COL4A4: variants seen among roughly 807,000 people sequenced by gnomAD.
COL4A4 encodes collagen alpha-4(IV) chain.
Under a neutral mutation model 192.9 loss-of-function variants are expected in COL4A4, and 105 were observed. The ratio of observed to expected loss-of-function variants is 0.54; its 90% CI spans 0.46 to 0.64. The LOEUF (loss-of-function observed/expected upper bound fraction) is 0.64. COL4A4 is among the 30% of genes least tolerant of loss of function. COL4A4 has a pLI of 0.00. For synonymous variants in COL4A4, 762 were observed against 769.9 expected, an observed-to-expected ratio of 0.99 and a Z score of 0.17; for missense variants, 1,967 against 2,169.3, an observed-to-expected ratio of 0.91 and a Z score of 1.85.
chr2:227,040,592 G>A (rs1970581002), intron 37 of COL4A4, among the ~76,000 whole-genome samples: 1 of 147,068 alleles, frequency 6.8e-6, no homozygotes, highest in Non-Finnish European at 1.5e-5. Context: ...TTGAGATGGA[G>A]TCTTACTCTG....
chr2:227,036,365 A>G (rs1481571416), intron 37 of COL4A4, among the ~76,000 whole-genome samples: 1 of 152,180 alleles, frequency 6.6e-6, no homozygotes, highest in African/African-American at 2.4e-5. Flanking sequence ...ATATGGGCTC[A>G]TACTTTTAAC....
At chr2:226,967,973 C>A in the COL4A4 span, among the ~76,000 whole-genome samples, 4 of 152,178 alleles carry the variant, frequency 2.6e-5, no homozygotes, top group African/African-American at 9.6e-5. Context: ...CCATGACTCT[C>A]TTTTGCTAGT....
chr2:227,075,379 T>G (rs756501566), intron 25 of COL4A4, among the ~76,000 whole-genome samples: 2 of 152,080 alleles, frequency 1.3e-5, no homozygotes, highest in Non-Finnish European at 2.9e-5. Context: ...ACAGAACCAC[T>G]GACAAAAACC....
chr2:227,000,809 G>A (rs890434876), downstream of COL4A4, among the ~76,000 whole-genome samples: 1 of 151,960 alleles, frequency 6.6e-6, no homozygotes, highest in Non-Finnish European at 1.5e-5. Flanking sequence ...TGGAATCATG[G>A]GGGAACGTCT....
In COL4A4 at chr2:227,022,410, C is replaced by A. The variant is rs574018806; in HGVS notation, c.4091-237G>T. 5.5e-6 allele frequency: 4 copies of A among 730,806 alleles called. No individual in the cohort carries two copies. In the African/African-American group the frequency reaches 6.9e-5, roughly 13 times the overall value. The allele number at this position is 730,806 out of a possible 1,614,324, so 45.3% of individuals were successfully genotyped here. On this transcript the variant is annotated intron_variant, in intron 43 of 47. Coordinates refer to ENST00000396625, the MANE Select transcript of COL4A4 (RefSeq NM_000092.5). Reference sequence around the variant, plus strand: ...AAAAATTCCAGAATGTCGGGCTGACCGAATGAGTGAATGGAGTATCAGAGG... The same window carrying A: ...AAAAATTCCAGAATGTCGGGCTGACAGAATGAGTGAATGGAGTATCAGAGG...
chr2:227,014,169 C>G (rs1011883608), intron 44 of COL4A4, among the ~76,000 whole-genome samples: 6 of 152,174 alleles, frequency 3.9e-5, no homozygotes, highest in African/African-American at 1.4e-4. Context: ...CCCACCTGAG[C>G]AACATCAATA....
Position 227,088,744 on chromosome 2 carries a change from T to G in COL4A4, c.1532A>C (p.Gln511Pro), listed in dbSNP as rs1243647983. 6.2e-6 allele frequency: 10 copies of G among 1,614,056 alleles called. No homozygotes were observed. In the South Asian group the frequency reaches 1.1e-4, roughly 18 times the overall value. ...PPGPPGLPGRQGSKGDLGLPG... is the reference protein window; with the variant it reads ...PPGPPGLPGRPGSKGDLGLPG... ...GAGCCCCAAGTCTCCCTTACTCCCC[T>G]GCCTCCCAGGAAGTCCTGGAGGGCC... Residue 511 changes from glutamine (Q) to proline (P), a missense_variant, in exon 22 of 48, where the codon CAG becomes CCG. Coordinates refer to ENST00000396625, the MANE Select transcript of COL4A4 (RefSeq NM_000092.5).
chr2:227,058,756 G>C (rs976647717), intron 28 of COL4A4, among the ~76,000 whole-genome samples: 5 of 152,160 alleles, frequency 3.3e-5, no homozygotes, highest in Non-Finnish European at 7.4e-5. Context: ...GGGTCCTGAA[G>C]ACAATAATTT....
intron 2 of COL4A4, chr2:227,147,155 G>A: frequency 1.7e-6 from 1 of 592,518 alleles, no homozygotes; most frequent in Non-Finnish European, 3.2e-6. Flanking sequence ...TTCAAACCTA[G>A]TGAGTAAGCG....
At chr2:227,137,773 T>G (rs2062915800) in intron 4 of COL4A4, among the ~76,000 whole-genome samples, 1 of 152,184 alleles carries the variant, frequency 6.6e-6, no homozygotes, top group Non-Finnish European at 1.5e-5. Context: ...ATCTCTTTCT[T>G]GCCACAGGGC....
chr2:226,999,298 C>T (rs138243371), downstream of COL4A4: 61 of 151,140 alleles, frequency 4.0e-4, no homozygotes, highest in African/African-American at 1.5e-3. Context: ...TTTTTTTTTC[C>T]CTTGAATCAA....
intron 8 of COL4A4, 31 bp from the exon 9 acceptor site, chr2:227,111,744 C>T: frequency 6.2e-7 from 1 of 1,607,474 alleles, no homozygotes; most frequent in Non-Finnish European, 8.5e-7. Context: ...TGCTTTAAGT[C>T]CACACAATGT....
At chr2:227,139,154 C>T (rs954649785) in intron 4 of COL4A4, among the ~76,000 whole-genome samples, 2 of 152,214 alleles carry the variant, frequency 1.3e-5, no homozygotes, top group Non-Finnish European at 2.9e-5. Context: ...ACCATCTGCA[C>T]ACCAGGAAGC....
rs1457385677 is a variant in COL4A4 at position 227,007,282 on chromosome 2, T to A, written c.*43A>T. The stretch of plus-strand genomic sequence containing the variant: ...CACAGTCTAGGAAGTCTTAGCCCCC[T>A]AGGAAGTTTCTCTTGGCCACGTGTT... On this transcript the variant is annotated 3_prime_UTR_variant, in exon 48 of 48. Transcript: ENST00000396625. 3.2e-5 allele frequency: 51 copies of A among 1,613,654 alleles called. No individual in the cohort carries two copies. The highest frequency in any genetic ancestry group is 3.3e-4 in the Middle Eastern group (2 of 6,060).
At position 227,050,054 on chromosome 2, in the gene COL4A4, T is replaced by A. The variant is rs748208122; in HGVS notation, c.3214+14A>T. On this transcript the variant is annotated intron_variant, in intron 34 of 47. Transcript: ENST00000396625. ...ATGCATTTGACAGATGGCTTCTGTA[T>A]CTCCAAACCATACCTTTAGGTCCTC... 6.2e-7 allele frequency: 1 copy of A among 1,613,282 alleles called. No individual in the cohort carries two copies.
the COL4A4 span, among the ~76,000 whole-genome samples, chr2:226,972,318 C>T: frequency 1.1e-4 from 16 of 152,176 alleles, no homozygotes; most frequent in African/African-American, 3.9e-4. Flanking sequence ...TTTCTTTATC[C>T]AGTCAATCAT....
rs1963182193 is a variant in COL4A4, at chr2:227,009,735, AGAG to A, written c.4522+575_4522+577del. On this transcript the variant is annotated intron_variant, in intron 46 of 47. Coordinates refer to ENST00000396625, the MANE Select transcript of COL4A4 (RefSeq NM_000092.5). ...AGAGGAAAAGAGAAGAGAAGAGAAA[AGAG>A]AAGAGAAGAGAGAAGAGAAGAGGGG... Among the ~76,000 whole-genome samples, 3 of 141,614 alleles carry A rather than the reference AGAG, an allele frequency of 2.1e-5. No homozygotes were observed. In the South Asian group the frequency reaches 7.5e-4, roughly 35 times the overall value. 92.9% of individuals were successfully genotyped at this position (141,614 alleles called of 152,430 possible).
chr2:226,987,368 G>A, the COL4A4 span, among the ~76,000 whole-genome samples: 5 of 152,164 alleles, frequency 3.3e-5, no homozygotes, highest in African/African-American at 2.4e-5. Context: ...TGGGAGGACG[G>A]CACTGAAGAG....
intron 20 of COL4A4, among the ~76,000 whole-genome samples, chr2:227,092,407 A>G (rs1319822253): frequency 6.6e-6 from 1 of 152,152 alleles, no homozygotes; most frequent in Non-Finnish European, 1.5e-5. Context: ...GAGAGGATGG[A>G]GGAAAGAAAG....
Sources: allele counts gnomAD v4.1 joint callset (sites outside exome capture counted in the v4.1 genomes callset), GRCh38; gene constraint gnomAD v4.1.1; transcripts MANE v1.5; gene names NCBI Gene and HGNC (gene_info 2026-07-23, HGNC 2026-07-21).